MARCHF1: variants seen among roughly 807,000 people sequenced by gnomAD.
The protein encoded by MARCHF1 is membrane associated ring-CH-type finger 1, also known as E3 ubiquitin-protein ligase MARCHF1.
Under a neutral mutation model 54.2 loss-of-function variants are expected in MARCHF1, and 40 were observed. The observed-to-expected ratio is 0.74, with a 90% CI of 0.57 to 0.96. MARCHF1 has a LOEUF of 0.96. Among genes scored for constraint, MARCHF1 ranks in the 40% least tolerant of loss-of-function variants. MARCHF1 has a pLI of 0.00. For synonymous variants in MARCHF1, 236 were observed against 236.3 expected (o/e 1.00, Z 0.01); for missense variants, 586 against 656.5 (o/e 0.89, Z 1.17).
intron 1 of MARCHF1, among the ~76,000 whole-genome samples, chr4:164,235,803 G>C (rs757533972): frequency 6.6e-6 from 1 of 151,922 alleles, no homozygotes; most frequent in Non-Finnish European, 1.5e-5. Context: ...TATACTACTC[G>C]GGTGATGGGT....
intron 1 of MARCHF1, among the ~76,000 whole-genome samples, chr4:164,141,822 G>T (rs1269022149): frequency 6.6e-6 from 1 of 152,238 alleles, no homozygotes; most frequent in Non-Finnish European, 1.5e-5. Context: ...GAGGAGCCAA[G>T]ATGGCCGAAT....
intron 3 of MARCHF1, among the ~76,000 whole-genome samples, chr4:163,897,772 A>G (rs912290784): frequency 1.3e-5 from 2 of 152,098 alleles, no homozygotes; most frequent in Admixed American, 1.3e-4. Context: ...AAATCCTTGA[A>G]GAGGCCAGGT....
At chr4:163,773,741 A>T (rs1013312041) in intron 4 of MARCHF1, among the ~76,000 whole-genome samples, 1 of 152,220 alleles carries the variant, frequency 6.6e-6, no homozygotes, top group African/African-American at 2.4e-5. Context: ...AACTTCTAAG[A>T]TATTCTTAAG....
chr4:164,324,100 T>C (rs767472427), intron 1 of MARCHF1, among the ~76,000 whole-genome samples: 1 of 151,864 alleles, frequency 6.6e-6, no homozygotes, highest in African/African-American at 2.4e-5. Flanking sequence ...CCTAGTTCTG[T>C]GTAATAAGAT....
At chr4:164,359,546 TC>T (rs1484448283) in intron 1 of MARCHF1, among the ~76,000 whole-genome samples, 5 of 152,150 alleles carry the variant, frequency 3.3e-5, no homozygotes, top group Non-Finnish European at 5.9e-5. Flanking sequence ...CATTTCATCA[TC>T]CATACTCTAT....
At chr4:163,776,171 T>C (rs1747299642) in intron 4 of MARCHF1, among the ~76,000 whole-genome samples, 1 of 152,128 alleles carries the variant, frequency 6.6e-6, no homozygotes, top group Non-Finnish European at 1.5e-5. Context: ...TATAAGGTGT[T>C]ATTTGACATC....
intron 1 of MARCHF1, among the ~76,000 whole-genome samples, chr4:164,211,339 A>G (rs1050128716): frequency 8.7e-5 from 10 of 115,406 alleles, no homozygotes; most frequent in Admixed American, 4.7e-4. Flanking sequence ...ATGTATATAT[A>G]TATATATATA....
At chr4:163,769,919 C>T (rs1225914169) in intron 4 of MARCHF1, among the ~76,000 whole-genome samples, 8 of 152,126 alleles carry the variant, frequency 5.3e-5, no homozygotes, top group Admixed American at 5.2e-4. Flanking sequence ...GCCTCTGCCA[C>T]CCCTGAGATA....
intron 1 of MARCHF1, among the ~76,000 whole-genome samples, chr4:164,166,911 GAAT>G (rs1430759416): frequency 6.7e-6 from 1 of 149,672 alleles, no homozygotes; most frequent in African/African-American, 2.5e-5. Flanking sequence ...AAAAAACAAT[GAAT>G]AAATTTAGTC....
At chr4:164,156,764 C>T (rs1051510030) in intron 1 of MARCHF1, among the ~76,000 whole-genome samples, 2 of 152,072 alleles carry the variant, frequency 1.3e-5, no homozygotes, top group Non-Finnish European at 2.9e-5. Flanking sequence ...TGAATAATGT[C>T]ACATATATCC....
intron 2 of MARCHF1, among the ~76,000 whole-genome samples, chr4:164,045,130 A>G (rs1327230756): frequency 6.6e-6 from 1 of 152,160 alleles, no homozygotes; most frequent in Non-Finnish European, 1.5e-5. Context: ...CTAAAATCGC[A>G]AACAAAACAA....
chr4:163,734,515 C>T (rs972045187), intron 4 of MARCHF1, among the ~76,000 whole-genome samples: 7 of 144,698 alleles, frequency 4.8e-5, no homozygotes, highest in African/African-American at 1.0e-4. Context: ...CAATGATTCT[C>T]GAAATAATCA....
At chr4:164,329,183 C>G (rs1735361055) in intron 1 of MARCHF1, among the ~76,000 whole-genome samples, 1 of 152,196 alleles carries the variant, frequency 6.6e-6, no homozygotes, top group Admixed American at 6.5e-5. Flanking sequence ...CAGAAACTAA[C>G]AGATGCACTT....
At chr4:163,765,560 TGTTA>T (rs1368591468) in intron 4 of MARCHF1, among the ~76,000 whole-genome samples, 16 of 152,064 alleles carry the variant, frequency 1.1e-4, no homozygotes, top group Admixed American at 1.0e-3. Flanking sequence ...AAACATACTT[TGTTA>T]GTATTTATAA....
At chr4:163,903,900 GC>G (rs1487595134) in intron 3 of MARCHF1, among the ~76,000 whole-genome samples, 2 of 152,112 alleles carry the variant, frequency 1.3e-5, no homozygotes, top group Non-Finnish European at 2.9e-5. Flanking sequence ...ACAGGCATGA[GC>G]CACCTCGCCT....
chr4:163,578,211 A>G (rs1033802630), intron 8 of MARCHF1, among the ~76,000 whole-genome samples: 1 of 152,080 alleles, frequency 6.6e-6, no homozygotes, highest in African/African-American at 2.4e-5. Flanking sequence ...TTGTTAAAAT[A>G]AAAAATGGAT....
At chr4:163,759,195 T>A (rs1199325110) in intron 4 of MARCHF1, among the ~76,000 whole-genome samples, 5 of 151,846 alleles carry the variant, frequency 3.3e-5, no homozygotes, top group Non-Finnish European at 5.9e-5. Context: ...CTTTTTTTTT[T>A]AATGGTATAT....
chr4:163,783,502 T>A (rs1298773569), intron 4 of MARCHF1, among the ~76,000 whole-genome samples: 1 of 152,212 alleles, frequency 6.6e-6, no homozygotes, highest in Non-Finnish European at 1.5e-5. Flanking sequence ...TTTTGTACCT[T>A]GAGTACCTCA....
chr4:164,232,026 A>T (rs193150707), intron 1 of MARCHF1, among the ~76,000 whole-genome samples: 86 of 152,296 alleles, frequency 5.6e-4, no homozygotes, highest in African/African-American at 2.1e-3. Context: ...GAAATTTACA[A>T]TTAAGCCACT....
Sources: allele counts gnomAD v4.1 joint callset (sites outside exome capture counted in the v4.1 genomes callset), GRCh38; gene constraint gnomAD v4.1.1; transcripts MANE v1.5; gene names NCBI Gene and HGNC (gene_info 2026-07-23, HGNC 2026-07-21).